KLF12: variants seen among roughly 807,000 people sequenced by gnomAD.
The protein encoded by KLF12 is Krueppel-like factor 12.
Under a neutral mutation model 37.8 loss-of-function variants are expected in KLF12, and 9 were observed. That is an observed-to-expected ratio of 0.24 (90% confidence interval 0.14 to 0.42). KLF12 has a LOEUF of 0.42. Among genes scored for constraint, KLF12 ranks in the 10% least tolerant of loss-of-function variants. The pLI is 1.00. For missense variants in KLF12, 411 were observed against 516.0 expected, an observed-to-expected ratio of 0.80 and a Z score of 1.97; for synonymous variants, 208 against 202.1, an observed-to-expected ratio of 1.03 and a Z score of -0.25.
rs548692008 is a variant in KLF12 at position 73,763,872 on chromosome 13, C to T, written c.869+1066G>A. On this transcript the variant is annotated intron_variant, in intron 6 of 7. Coordinates refer to ENST00000377669, the MANE Select transcript of KLF12 (RefSeq NM_007249.5). ...GGCTCTGAGGCAAGGTGTAAGCAAACGCCTCTGTGCCCCATTTCCCCCTCT... is the reference window on the plus strand; with the variant it reads ...GGCTCTGAGGCAAGGTGTAAGCAAATGCCTCTGTGCCCCATTTCCCCCTCT... Among the ~76,000 whole-genome samples the T allele has an allele frequency of 6.6e-5, 10 of 152,240 alleles. No individual in the cohort carries two copies. In the South Asian group the frequency reaches 1.5e-3, roughly 22 times the overall value.
the KLF12 span, among the ~76,000 whole-genome samples, chr13:74,293,807 G>C: frequency 6.6e-6 from 1 of 152,176 alleles, no homozygotes; most frequent in African/African-American, 2.4e-5. Context: ...ACCTGTGGCT[G>C]CTTCTTTTTC....
At chr13:74,083,393 G>A (rs1002577538) in intron 1 of KLF12, among the ~76,000 whole-genome samples, 9 of 151,804 alleles carry the variant, frequency 5.9e-5, no homozygotes, top group African/African-American at 9.7e-5. Flanking sequence ...TGTAGTCCCC[G>A]CTACTCAACA....
chr13:74,080,086 A>G (rs1223382796), intron 1 of KLF12, among the ~76,000 whole-genome samples: 5 of 152,224 alleles, frequency 3.3e-5, no homozygotes, highest in African/African-American at 9.7e-5. Flanking sequence ...AGGAACCTTG[A>G]AGACATTATG....
rs927316980 is a variant in KLF12 at position 74,109,457 on chromosome 13, A to G, written c.-32+24282T>C. On this transcript the variant is annotated intron_variant, in intron 1 of 7. Coordinates refer to ENST00000377669, the MANE Select transcript of KLF12 (RefSeq NM_007249.5). ...TTTCCCAACATTTGAAGAATAGATA[A>G]TATATTTTGTAATAATTTTTAAAAG... is the stretch of plus-strand genomic sequence containing the variant. 3.0e-4 allele frequency among the ~76,000 whole-genome samples: 45 copies of G among 152,142 alleles called. 1 individual carries two copies. The highest frequency in any genetic ancestry group is 2.9e-3 in the Admixed American group (45 of 15,272).
At chr13:74,162,782 C>T in the KLF12 span, among the ~76,000 whole-genome samples, 1 of 152,038 alleles carries the variant, frequency 6.6e-6, no homozygotes, top group Non-Finnish European at 1.5e-5. Flanking sequence ...TACTGCTCTG[C>T]TAACTTTGGA....
chr13:73,989,606 T>A (rs1429367020), intron 2 of KLF12, among the ~76,000 whole-genome samples: 1 of 152,204 alleles, frequency 6.6e-6, no homozygotes, highest in South Asian at 2.1e-4. Context: ...AATGACACCC[T>A]TATTTACACA....
intron 3 of KLF12, among the ~76,000 whole-genome samples, chr13:73,942,343 T>TC (rs1318939079): frequency 2.0e-5 from 3 of 152,108 alleles, no homozygotes; most frequent in African/African-American, 4.8e-5. Flanking sequence ...CACTTTTTTT[T>TC]CCCATGAGCA....
chr13:74,153,888 T>A, the KLF12 span, among the ~76,000 whole-genome samples: 1 of 152,182 alleles, frequency 6.6e-6, no homozygotes, highest in African/African-American at 2.4e-5. Context: ...GAAATGGTGA[T>A]GTTTTTGTTC....
chr13:73,735,714 C>T (rs1877399487), intron 6 of KLF12, among the ~76,000 whole-genome samples: 1 of 152,196 alleles, frequency 6.6e-6, no homozygotes, highest in East Asian at 1.9e-4. Flanking sequence ...TCATCAAGCA[C>T]TTAGTAAATG....
At chr13:74,044,420 T>C (rs558981946) in intron 1 of KLF12, among the ~76,000 whole-genome samples, 1 of 152,094 alleles carries the variant, frequency 6.6e-6, no homozygotes, top group Non-Finnish European at 1.5e-5. Context: ...GCAGGAGATA[T>C]ATAAGATGGT....
intron 3 of KLF12, among the ~76,000 whole-genome samples, chr13:73,847,440 C>T (rs1460903424): frequency 6.6e-6 from 1 of 151,934 alleles, no homozygotes; most frequent in Non-Finnish European, 1.5e-5. Flanking sequence ...GTGTGCTATT[C>T]CCCCTAAAAC....
At chr13:74,034,203 G>A (rs190878558) in intron 1 of KLF12, among the ~76,000 whole-genome samples, 1 of 151,858 alleles carries the variant, frequency 6.6e-6, no homozygotes, top group Admixed American at 6.6e-5. Flanking sequence ...GCTGGGATTA[G>A]AGGCACCCAC....
At chr13:73,898,504 TA>T (rs1032695126) in intron 3 of KLF12, among the ~76,000 whole-genome samples, 3 of 152,132 alleles carry the variant, frequency 2.0e-5, no homozygotes, top group African/African-American at 7.2e-5. Flanking sequence ...AAGATGTGGC[TA>T]AAAAAGCTCT....
intron 3 of KLF12, among the ~76,000 whole-genome samples, chr13:73,886,252 C>T (rs939880172): frequency 2.6e-5 from 4 of 152,152 alleles, no homozygotes; most frequent in Admixed American, 2.6e-4. Flanking sequence ...ATAGAAGAGC[C>T]AAACGGTTTC....
At chr13:73,854,249 A>G (rs1430840091) in intron 3 of KLF12, among the ~76,000 whole-genome samples, 4 of 152,208 alleles carry the variant, frequency 2.6e-5, no homozygotes, top group African/African-American at 9.7e-5. Flanking sequence ...CTAAACCACA[A>G]TCTCACTCCA....
chr13:74,215,016 A>G, the KLF12 span, among the ~76,000 whole-genome samples: 1 of 151,960 alleles, frequency 6.6e-6, no homozygotes, highest in Non-Finnish European at 1.5e-5. Context: ...CTGGTCTCGA[A>G]CTCCTGACTT....
At chr13:73,747,037 G>T (rs111730902) in intron 6 of KLF12, among the ~76,000 whole-genome samples, 1 of 151,840 alleles carries the variant, frequency 6.6e-6, no homozygotes, top group Non-Finnish European at 1.5e-5. Flanking sequence ...GGCTGGTCTC[G>T]AACTCCTGAC....
the KLF12 span, among the ~76,000 whole-genome samples, chr13:74,241,841 G>C: frequency 1.2e-4 from 19 of 152,142 alleles, no homozygotes; most frequent in South Asian, 2.1e-4. Context: ...TGCGCCCACT[G>C]TCTGGCACTC....
chr13:74,247,624 TTTAG>T, the KLF12 span, among the ~76,000 whole-genome samples: 1 of 152,164 alleles, frequency 6.6e-6, no homozygotes, highest in South Asian at 2.1e-4. Flanking sequence ...GTTATCTTTT[TTTAG>T]TTATTTATTA....
Sources: allele counts gnomAD v4.1 joint callset (sites outside exome capture counted in the v4.1 genomes callset), GRCh38; gene constraint gnomAD v4.1.1; transcripts MANE v1.5; gene names NCBI Gene and HGNC (gene_info 2026-07-23, HGNC 2026-07-21).